Variants in KIF16B observed in about 807,000 individuals in gnomAD.
KIF16B encodes the protein kinesin family member 16B, also known as kinesin-like protein KIF16B.
Under a neutral mutation model 156.3 loss-of-function variants are expected in KIF16B, and 98 were observed. That is an observed-to-expected ratio of 0.63 (90% confidence interval 0.53 to 0.74). The LOEUF (loss-of-function observed/expected upper bound fraction) is 0.74. Ranked by LOEUF, KIF16B falls within the 30% of genes least tolerant of loss-of-function variation. The probability of loss-of-function intolerance (pLI) is 0.00; values close to 1 mark genes in which losing one functional copy is unlikely to be tolerated. For synonymous variants in KIF16B, 564 were observed against 583.7 expected (o/e 0.97, Z 0.49); for missense variants, 1,421 against 1,606.5 (o/e 0.88, Z 1.97).
chr20:16,397,517 A>T (rs903716244), intron 17 of KIF16B, among the ~76,000 whole-genome samples: 1 of 152,212 alleles, frequency 6.6e-6, no homozygotes, highest in Non-Finnish European at 1.5e-5. Flanking sequence ...TTTTTTAGAC[A>T]TGGGCTGTTT....
intron 12 of KIF16B, among the ~76,000 whole-genome samples, chr20:16,431,911 T>TACACACACACACACAC (rs1360937595): frequency 1.2e-4 from 7 of 58,406 alleles, no homozygotes; most frequent in East Asian, 9.8e-4. Context: ...TATGTATACG[T>TACACACACACACACAC]ATACACACAC....
At chr20:16,512,427 C>T (rs1305897874) in intron 5 of KIF16B, among the ~76,000 whole-genome samples, 1 of 152,132 alleles carries the variant, frequency 6.6e-6, no homozygotes, top group African/African-American at 2.4e-5. Context: ...GGAAAAAGCA[C>T]CTCAACCACT....
At chr20:16,500,449 T>C (rs2068587862) in intron 10 of KIF16B, among the ~76,000 whole-genome samples, 1 of 152,190 alleles carries the variant, frequency 6.6e-6, no homozygotes, top group Admixed American at 6.5e-5. Context: ...CAAATTTTCA[T>C]TATGTTATAT....
intron 12 of KIF16B, among the ~76,000 whole-genome samples, chr20:16,460,254 A>G (rs942613380): frequency 2.0e-5 from 3 of 152,204 alleles, no homozygotes; most frequent in Non-Finnish European, 4.4e-5. Flanking sequence ...TTTGGATGAA[A>G]AATAGAGCAT....
rs543991442 is a variant in KIF16B at position 16,305,213 on chromosome 20, CA to C, written c.3795+7121del. ...AGCTGTATTGTTCTCCCGTGGACCA[CA>C]AACAATTTCAAAGAATATCAACGCC... is the stretch of plus-strand genomic sequence containing the variant. On this transcript the variant is annotated intron_variant, in intron 25 of 25. Coordinates refer to ENST00000354981, the MANE Select transcript of KIF16B (RefSeq NM_024704.5). 2.8e-3 allele frequency among the ~76,000 whole-genome samples: 417 copies of C among 151,522 alleles called. 3 individuals carry two copies. The highest frequency in any genetic ancestry group is 0.027 in the Middle Eastern group (8 of 294).
At chr20:16,403,738 T>C (rs559830202) in intron 17 of KIF16B, among the ~76,000 whole-genome samples, 7 of 152,360 alleles carry the variant, frequency 4.6e-5, no homozygotes, top group African/African-American at 1.4e-4. Flanking sequence ...ATCCCTCCTA[T>C]GACACTGAAG....
chr20:16,548,557 C>T (rs1211800411), intron 1 of KIF16B, among the ~76,000 whole-genome samples: 1 of 152,176 alleles, frequency 6.6e-6, no homozygotes, highest in Non-Finnish European at 1.5e-5. Flanking sequence ...TCGTAAATGG[C>T]GCGTGCAAGG....
chr20:16,564,663 T>TA (rs11478455), intron 1 of KIF16B, among the ~76,000 whole-genome samples: 355 of 137,620 alleles, frequency 2.6e-3, no homozygotes, highest in Middle Eastern at 3.8e-3. Flanking sequence ...TAAAGTATAA[T>TA]AAAAAAAAAA....
At chr20:16,304,158 C>G (rs1207244581) in intron 25 of KIF16B, among the ~76,000 whole-genome samples, 1 of 152,170 alleles carries the variant, frequency 6.6e-6, no homozygotes, top group Non-Finnish European at 1.5e-5. Context: ...CCCTAGACTT[C>G]CATCTGAGTT....
intron 22 of KIF16B, chr20:16,368,591 A>T (rs2064737432): frequency 1.0e-6 from 1 of 985,778 alleles, no homozygotes; most frequent in Non-Finnish European, 1.2e-6. Flanking sequence ...AACTTGTGGT[A>T]AAAATATCCC....
rs549851095 is a variant in KIF16B at position 16,456,491 on chromosome 20, T to C, written c.1303-26509A>G. On this transcript the variant is annotated intron_variant, in intron 12 of 25. Transcript: ENST00000354981. ...CAAACCCTTTATTCCAAAACATACA[T>C]ACCTTGTGTGCTCTCTTAACCAACA... 5.9e-5 allele frequency among the ~76,000 whole-genome samples: 9 copies of C among 152,098 alleles called. No homozygotes were observed. In the South Asian group the frequency reaches 1.9e-3, roughly 32 times the overall value.
At chr20:16,434,743 G>A (rs528354322) in intron 12 of KIF16B, among the ~76,000 whole-genome samples, 161 of 151,464 alleles carry the variant, frequency 1.1e-3, no homozygotes, top group African/African-American at 3.9e-3. Flanking sequence ...TTTTTTTTCT[G>A]AACAGACAAG....
At chr20:16,408,160 A>G (rs1181070800) in intron 15 of KIF16B, among the ~76,000 whole-genome samples, 1 of 152,186 alleles carries the variant, frequency 6.6e-6, no homozygotes, top group Non-Finnish European at 1.5e-5. Flanking sequence ...TTTCAAATTC[A>G]ATATGATTAA....
chr20:16,564,984 T>C (rs1213760749), intron 1 of KIF16B, among the ~76,000 whole-genome samples: 1 of 152,078 alleles, frequency 6.6e-6, no homozygotes, highest in East Asian at 1.9e-4. Flanking sequence ...CCTCTCTCCA[T>C]GCCCCTTCTC....
At chr20:16,285,335 T>C (rs2063207387) in intron 25 of KIF16B, among the ~76,000 whole-genome samples, 1 of 152,220 alleles carries the variant, frequency 6.6e-6, no homozygotes, top group Non-Finnish European at 1.5e-5. Flanking sequence ...ACACAGATAT[T>C]TATGAGTTGA....
At chr20:16,290,437 C>T (rs1255156280) in intron 25 of KIF16B, among the ~76,000 whole-genome samples, 9 of 152,306 alleles carry the variant, frequency 5.9e-5, no homozygotes, top group East Asian at 5.8e-4. Context: ...AAATCTCCTT[C>T]GGTTAAAATT....
chr20:16,547,882 C>T (rs745499239), intron 1 of KIF16B, among the ~76,000 whole-genome samples: 1 of 152,188 alleles, frequency 6.6e-6, no homozygotes, highest in Non-Finnish European at 1.5e-5. Context: ...TGGAGTTCTC[C>T]AGCTCTGCTG....
chr20:16,391,014 G>T (rs1165528234), intron 17 of KIF16B, among the ~76,000 whole-genome samples: 1 of 152,186 alleles, frequency 6.6e-6, no homozygotes, highest in East Asian at 1.9e-4. Flanking sequence ...CATTTATAGG[G>T]ATGAGAGGAA....
At chr20:16,477,252 G>C (rs147294001) in intron 12 of KIF16B, among the ~76,000 whole-genome samples, 1 of 144,362 alleles carries the variant, frequency 6.9e-6, no homozygotes, top group Non-Finnish European at 1.5e-5. Context: ...GTTTAGCCTG[G>C]ATTCCTTCCT....
Sources: allele counts gnomAD v4.1 joint callset (sites outside exome capture counted in the v4.1 genomes callset), GRCh38; gene constraint gnomAD v4.1.1; transcripts MANE v1.5; gene names NCBI Gene and HGNC (gene_info 2026-07-23, HGNC 2026-07-21).